KCNMA1: variants seen among roughly 807,000 people sequenced by gnomAD.
KCNMA1 encodes potassium calcium-activated channel subfamily M alpha 1.
KCNMA1 carries 29 observed loss-of-function variants against 140.0 expected under a neutral mutation model. The ratio of observed to expected loss-of-function variants is 0.21; its 90% confidence interval spans 0.15 to 0.28. The LOEUF (loss-of-function observed/expected upper bound fraction) is 0.28. Among genes scored for constraint, KCNMA1 ranks in the 10% least tolerant of loss-of-function variants. The probability of loss-of-function intolerance (pLI) is 1.00; values close to 1 mark genes in which losing one functional copy is unlikely to be tolerated. For missense variants in KCNMA1, 880 were observed against 1,602.2 expected (o/e 0.55, Z 7.70); for synonymous variants, 612 against 611.9 (o/e 1.00, Z 0.00).
intron 1 of KCNMA1, among the ~76,000 whole-genome samples, chr10:77,499,466 T>TAC (rs2043102322): frequency 6.0e-5 from 9 of 149,826 alleles, no homozygotes; most frequent in African/African-American, 2.2e-4. Flanking sequence ...CATATATATA[T>TAC]ACACATACAT....
chr10:77,136,781 A>G (rs986318393), intron 5 of KCNMA1, among the ~76,000 whole-genome samples: 2 of 152,192 alleles, frequency 1.3e-5, no homozygotes, highest in Non-Finnish European at 2.9e-5. Context: ...TAATATTTAT[A>G]TCAAAATTTC....
At chr10:76,943,484 C>A (rs958497786) in intron 23 of KCNMA1, among the ~76,000 whole-genome samples, 1 of 152,136 alleles carries the variant, frequency 6.6e-6, no homozygotes, top group Non-Finnish European at 1.5e-5. Flanking sequence ...CAGAGAAGCC[C>A]CAGCCCCTCT....
At chr10:77,117,539 CAAAAAAAAA>C (rs56926398) in intron 6 of KCNMA1, among the ~76,000 whole-genome samples, 34 of 22,520 alleles carry the variant, frequency 1.5e-3, no homozygotes, top group African/African-American at 2.3e-3. Context: ...GAGTCTATCT[CAAAAAAAAA>C]AAAAAAAAAA....
chr10:77,491,746 CA>C (rs1291495377), intron 1 of KCNMA1, among the ~76,000 whole-genome samples: 9 of 145,688 alleles, frequency 6.2e-5, no homozygotes, highest in African/African-American at 1.3e-4. Flanking sequence ...CACACACACA[CA>C]CACACACCCT....
chr10:77,463,548 TTGA>T (rs1324048265), intron 1 of KCNMA1, among the ~76,000 whole-genome samples: 1 of 152,146 alleles, frequency 6.6e-6, no homozygotes, highest in African/African-American at 2.4e-5. Context: ...AGTTAAGTAA[TTGA>T]TGGAGCACAC....
At chr10:76,977,900 G>A (rs924221861) in intron 19 of KCNMA1, 5 of 442,638 alleles carry the variant, frequency 1.1e-5, no homozygotes, top group South Asian at 3.8e-5. Flanking sequence ...GCAATTCCTC[G>A]AAGCTGTCAG....
At chr10:77,187,576 G>T (rs2098883701) in intron 3 of KCNMA1, among the ~76,000 whole-genome samples, 2 of 152,234 alleles carry the variant, frequency 1.3e-5, no homozygotes, top group African/African-American at 4.8e-5. Flanking sequence ...AGTAAATGAT[G>T]CCGCTGGCGC....
chr10:77,535,566 T>C (rs2058708380), intron 1 of KCNMA1, among the ~76,000 whole-genome samples: 1 of 152,068 alleles, frequency 6.6e-6, no homozygotes, highest in South Asian at 2.1e-4. Context: ...AGAAAAGCAA[T>C]CACACAGAAG....
At chr10:77,441,467 C>A (rs1291090388) in intron 1 of KCNMA1, among the ~76,000 whole-genome samples, 1 of 152,162 alleles carries the variant, frequency 6.6e-6, no homozygotes, top group African/African-American at 2.4e-5. Flanking sequence ...GATACTTCAG[C>A]TGGAAGTCTT....
At chr10:76,889,704 C>A (rs1043580807) in intron 26 of KCNMA1, 135 bp from the exon 27 acceptor site, 1 of 764,510 alleles carries the variant, frequency 1.3e-6, no homozygotes, top group Non-Finnish European at 2.4e-6. Flanking sequence ...TGCCAAGGGA[C>A]GGCAGTGGAA....
intron 1 of KCNMA1, among the ~76,000 whole-genome samples, chr10:77,545,724 G>A (rs897657856): frequency 7.2e-5 from 11 of 152,220 alleles, no homozygotes; most frequent in African/African-American, 2.7e-4. Context: ...GTTTCACACA[G>A]AGGGTAGCAA....
intron 1 of KCNMA1, among the ~76,000 whole-genome samples, chr10:77,609,394 G>A (rs1488426546): frequency 1.3e-5 from 2 of 152,216 alleles, no homozygotes; most frequent in African/African-American, 4.8e-5. Context: ...CTCTTAAAAA[G>A]TTGAGCTCAT....
At chr10:77,361,329 C>T (rs1424530657) in intron 2 of KCNMA1, among the ~76,000 whole-genome samples, 2 of 152,198 alleles carry the variant, frequency 1.3e-5, no homozygotes, top group East Asian at 1.9e-4. Flanking sequence ...GAGCCTTTTG[C>T]TCCAGCAACA....
intron 17 of KCNMA1, 124 bp from the exon 18 acceptor site, chr10:77,012,167 T>C (rs533102868): frequency 6.4e-7 from 1 of 1,562,616 alleles, no homozygotes; most frequent in East Asian, 2.4e-5. Flanking sequence ...CTTTAATCTT[T>C]TGAAAGGTTT....
At chr10:76,992,841 G>T (rs2083176992) in intron 19 of KCNMA1, among the ~76,000 whole-genome samples, 1 of 152,190 alleles carries the variant, frequency 6.6e-6, no homozygotes, top group African/African-American at 2.4e-5. Context: ...GACTCTGTGT[G>T]GCAGTACTTC....
chr10:76,980,920 A>G (rs78185929), intron 19 of KCNMA1, among the ~76,000 whole-genome samples: 9,731 of 152,236 alleles, frequency 0.064, 762 homozygotes, highest in African/African-American at 0.17. Context: ...TATTTGGCAA[A>G]TTATCTAACT....
intron 3 of KCNMA1, among the ~76,000 whole-genome samples, chr10:77,237,572 C>T (rs2055948855): frequency 6.6e-6 from 1 of 152,212 alleles, no homozygotes; most frequent in South Asian, 2.1e-4. Flanking sequence ...ATGCTCCCAC[C>T]TCAGGCTCTT....
chr10:77,634,243 A>T (rs1228821906), intron 1 of KCNMA1: 1 of 985,310 alleles, frequency 1.0e-6, no homozygotes, highest in African/African-American at 1.7e-5. Context: ...CACAAGGAAA[A>T]AAACAATAAT....
At chr10:76,957,868 T>A (rs962252452) in intron 20 of KCNMA1, among the ~76,000 whole-genome samples, 6 of 152,174 alleles carry the variant, frequency 3.9e-5, no homozygotes, top group Non-Finnish European at 2.9e-5. Context: ...GGGAACACAA[T>A]TCGTTCCAGC....
Sources: gnomAD v4.1 joint callset for allele counts (sites outside exome capture counted in the v4.1 genomes callset) on GRCh38, gnomAD v4.1.1 for gene constraint, MANE v1.5 for transcripts, NCBI Gene and HGNC (gene_info 2026-07-23, HGNC 2026-07-21) for gene names.